Variants in TLK2 observed in about 807,000 individuals in gnomAD.
TLK2 encodes the protein tousled like kinase 2, also known as serine/threonine-protein kinase tousled-like 2.
A neutral mutation model predicts 117.3 loss-of-function variants in TLK2; 6 were observed. The ratio of observed to expected loss-of-function variants is 0.05; its 90% CI spans 0.03 to 0.10. The LOEUF is 0.10. TLK2 is among the 10% of genes least tolerant of loss of function. The pLI is 1.00. For missense variants in TLK2, 299 were observed against 901.2 expected (o/e 0.33, Z 8.56); for synonymous variants, 257 against 316.7 (o/e 0.81, Z 2.00).
chr17:62,554,910 A>G (rs2078735463), intron 9 of TLK2, among the ~76,000 whole-genome samples: 1 of 152,082 alleles, frequency 6.6e-6, no homozygotes, highest in Non-Finnish European at 1.5e-5. Context: ...GCTCTTTACA[A>G]AATACAGAAA....
intron 2 of TLK2, among the ~76,000 whole-genome samples, chr17:62,482,461 T>TC (rs1296498722): frequency 6.6e-6 from 1 of 151,138 alleles, no homozygotes; most frequent in African/African-American, 2.4e-5. Flanking sequence ...TTGTTTTTTT[T>TC]TTTTTTGAGT....
At chr17:62,507,869 A>AG (rs1205542619) in intron 2 of TLK2, among the ~76,000 whole-genome samples, 10 of 151,872 alleles carry the variant, frequency 6.6e-5, no homozygotes, top group African/African-American at 2.4e-4. Context: ...AGATCCCCCT[A>AG]GAAAAAAAAG....
intron 18 of TLK2, among the ~76,000 whole-genome samples, chr17:62,601,173 C>A (rs1183617133): frequency 1.3e-5 from 2 of 152,060 alleles, no homozygotes; most frequent in Non-Finnish European, 2.9e-5. Flanking sequence ...TGATAAGAGC[C>A]CCCAAATTAA....
At chr17:62,474,302 T>A (rs1157454796), upstream of TLK2, among the ~76,000 whole-genome samples, 1 of 151,822 alleles carries the variant, frequency 6.6e-6, no homozygotes, top group African/African-American at 2.4e-5. Context: ...ATGCTCTCCA[T>A]CTCCTGACCT....
chr17:62,533,396 G>GTGTC (rs2076885114), intron 6 of TLK2, among the ~76,000 whole-genome samples: 3 of 132,452 alleles, frequency 2.3e-5, no homozygotes, highest in South Asian at 2.3e-4. Context: ...GTGTGTCTGT[G>GTGTC]TGTGTGTGTG....
intron 9 of TLK2, among the ~76,000 whole-genome samples, chr17:62,558,017 G>A (rs2078985097): frequency 6.6e-6 from 1 of 152,136 alleles, no homozygotes; most frequent in Admixed American, 6.6e-5. Flanking sequence ...TAGAACTTGT[G>A]CTTCTAGAAG....
In TLK2 at chr17:62,553,770, G is replaced by A. The variant is rs1207977033; in HGVS notation, c.720+15G>A. ...ATTTATTAAGAGTAAGTATTAAAAT[G>A]TAAGAGATTTTATAGCAAGCACCAT... On this transcript the variant is annotated intron_variant, in intron 9 of 21. Coordinates refer to ENST00000346027, the MANE Select transcript of TLK2 (RefSeq NM_006852.6). 2.0e-6 allele frequency: 3 copies of A among 1,491,052 alleles called. No individual in the cohort carries two copies. Among genetic ancestry groups the A allele is most frequent in the Non-Finnish European group, 1.9e-6 (2 of 1,069,396 alleles). 92.4% of individuals were successfully genotyped at this position (1,491,052 alleles called of 1,614,324 possible).
chr17:62,536,353 A>G lies in TLK2; in HGVS notation c.531+16A>G. ...TTTTGTTTCAGTGAGTACAAAGCCT[A>G]AGTTAATTCATATCCTTTCCATTGC... On this transcript the variant is annotated intron_variant, in intron 7 of 21. Transcript: ENST00000346027. 3 of 1,602,568 alleles carry G rather than the reference A, an allele frequency of 1.9e-6. No individual in the cohort carries two copies. The highest frequency in any genetic ancestry group is 2.6e-6 in the Non-Finnish European group (3 of 1,173,890).
In TLK2 at chr17:62,525,729, C is replaced by T. The variant is rs1490109707; in HGVS notation, c.363+1398C>T. On this transcript the variant is annotated intron_variant, in intron 6 of 21. Coordinates refer to ENST00000346027, the MANE Select transcript of TLK2 (RefSeq NM_006852.6). ...CCTCCCAAAGTGTTGAGATTACAGG[C>T]ATTAGCCATTGTGTCAGACCATCCT... Among the ~76,000 whole-genome samples, 14 of 152,272 alleles carry T rather than the reference C, an allele frequency of 9.2e-5. No homozygotes were observed. In the East Asian group the frequency reaches 2.7e-3, roughly 29 times the overall value.
intron 16 of TLK2, among the ~76,000 whole-genome samples, chr17:62,589,130 A>G (rs1181047496): frequency 6.6e-6 from 1 of 152,198 alleles, no homozygotes; most frequent in Non-Finnish European, 1.5e-5. Context: ...TCCTACCATA[A>G]GCAAACAAAA....
intron 2 of TLK2, among the ~76,000 whole-genome samples, chr17:62,489,692 T>C (rs2072898727): frequency 6.6e-6 from 1 of 152,230 alleles, no homozygotes; most frequent in African/African-American, 2.4e-5. Context: ...GAGCTGCTAA[T>C]AACAGAGTTC....
intron 14 of TLK2, among the ~76,000 whole-genome samples, 184 bp from the exon 15 acceptor site, chr17:62,579,927 A>G (rs1386395810): frequency 2.6e-5 from 4 of 152,214 alleles, no homozygotes; most frequent in Non-Finnish European, 5.9e-5. Flanking sequence ...TGTTCATTGT[A>G]ATTACACTGC....
chr17:62,587,094 C>T (rs1456985777), intron 16 of TLK2, among the ~76,000 whole-genome samples: 1 of 151,806 alleles, frequency 6.6e-6, no homozygotes, highest in Non-Finnish European at 1.5e-5. Context: ...TTCATCTGTA[C>T]TTGGGATGTG....
intron 7 of TLK2, chr17:62,550,027 T>G (rs537663731): frequency 6.6e-6 from 1 of 152,310 alleles, no homozygotes; most frequent in Admixed American, 6.5e-5. Context: ...TTGCCCAGGC[T>G]GGAGTGAAGT....
At chr17:62,512,861 A>ATTTATTATTATT (rs370355895) in intron 2 of TLK2, among the ~76,000 whole-genome samples, 1 of 141,166 alleles carries the variant, frequency 7.1e-6, no homozygotes, top group East Asian at 2.0e-4. Flanking sequence ...AAAATTTATT[A>ATTTATTATTATT]ATTATTATTA....
chr17:62,543,195 T>C (rs756816271), intron 7 of TLK2, among the ~76,000 whole-genome samples: 1 of 152,200 alleles, frequency 6.6e-6, no homozygotes, highest in Non-Finnish European at 1.5e-5. Flanking sequence ...TGGGTGTACA[T>C]CAGTAAATAG....
intron 6 of TLK2, among the ~76,000 whole-genome samples, chr17:62,528,042 A>G (rs1323448383): frequency 6.6e-6 from 1 of 152,138 alleles, no homozygotes; most frequent in Non-Finnish European, 1.5e-5. Flanking sequence ...TGCCCAGCCT[A>G]GAATGTTAAT....
chr17:62,527,958 G>A (rs1423250448), intron 6 of TLK2, among the ~76,000 whole-genome samples: 1 of 152,050 alleles, frequency 6.6e-6, no homozygotes, highest in Admixed American at 6.5e-5. Context: ...GGCCAGGATG[G>A]TCTCGATCTC....
chr17:62,471,792 G>T (rs1468287790), intron 1 of TLK2, among the ~76,000 whole-genome samples: 4 of 151,176 alleles, frequency 2.6e-5, no homozygotes, highest in Non-Finnish European at 5.9e-5. Context: ...CAGTTCTTAT[G>T]GAGCCCAGTC....
Sources: allele counts gnomAD v4.1 joint callset (sites outside exome capture counted in the v4.1 genomes callset), GRCh38; gene constraint gnomAD v4.1.1; transcripts MANE v1.5; gene names NCBI Gene and HGNC (gene_info 2026-07-23, HGNC 2026-07-21).